Variants in FAAH2 observed in about 807,000 individuals in gnomAD.
FAAH2 encodes fatty-acid amide hydrolase 2.
FAAH2 carries 60 observed loss-of-function variants against 36.9 expected under a neutral mutation model. The ratio of observed to expected loss-of-function variants is 1.63; its 90% CI spans 1.32 to 2.02. The LOEUF (loss-of-function observed/expected upper bound fraction) is 2.02. Among genes scored for constraint, FAAH2 ranks in the 30% most tolerant of loss-of-function variants. The pLI, the probability that FAAH2 is intolerant of heterozygous loss-of-function variation, is 0.00. For missense variants in FAAH2, 689 were observed against 397.5 expected, an observed-to-expected ratio of 1.73 and a Z score of -6.23; for synonymous variants, 214 against 143.8, an observed-to-expected ratio of 1.49 and a Z score of -3.49.
At chrX:57,477,488 C>A (rs1219334391) in intron 10 of FAAH2, among the ~76,000 whole-genome samples, 3 of 110,359 alleles carry the variant, frequency 2.7e-5, no homozygotes, top group Admixed American at 1.9e-4. Flanking sequence ...TCTAAATTTT[C>A]TTTTTATATA....
At chrX:57,487,269 G>A (rs767608285) in intron 10 of FAAH2, among the ~76,000 whole-genome samples, 10 of 107,581 alleles carry the variant, frequency 9.3e-5, no homozygotes, top group Non-Finnish European at 1.7e-4. Context: ...ATAAAAGAAA[G>A]CATGATAAAT....
intron 5 of FAAH2, among the ~76,000 whole-genome samples, chrX:57,344,885 C>CT (rs771285268): frequency 2.6e-4 from 29 of 110,766 alleles, no homozygotes; most frequent in Admixed American, 1.7e-3. Flanking sequence ...TGGTAAATCA[C>CT]TTTTTTTTAT....
intron 3 of FAAH2, among the ~76,000 whole-genome samples, chrX:57,312,606 G>A (rs1326045414): frequency 1.8e-5 from 2 of 109,735 alleles, no homozygotes; most frequent in Non-Finnish European, 3.8e-5. Context: ...CTTGAACCTA[G>A]GAGGTGGAAG....
At chrX:57,216,779 G>A in the FAAH2 span, among the ~76,000 whole-genome samples, 3 of 103,764 alleles carry the variant, frequency 2.9e-5, no homozygotes, top group African/African-American at 1.0e-4. Context: ...TTTTTTCTGG[G>A]TAGATACCCA....
At chrX:57,263,272 A>T in the FAAH2 span, among the ~76,000 whole-genome samples, 1 of 111,989 alleles carries the variant, frequency 8.9e-6, no homozygotes, top group Non-Finnish European at 1.9e-5. Context: ...AGATCAGATT[A>T]CAAAATTTAG....
Position 57,488,836 on chromosome X carries a change from G to A in FAAH2, c.1503G>A (p.Gln501=), listed in dbSNP as rs769216854. The change falls in exon 11 of 11, where the codon CAG becomes CAA. Residue 501 remains glutamine, a synonymous_variant. Coordinates refer to ENST00000374900, the MANE Select transcript of FAAH2 (RefSeq NM_174912.4). ...LNAKGLPLGI[Q]VVAGPFNDHL... Reference sequence around the variant, plus strand: ...CCAAAGGACTCCCTTTAGGCATCCAGGTTGTGGCTGGACCCTTTAATGATC... The same window carrying A: ...CCAAAGGACTCCCTTTAGGCATCCAAGTTGTGGCTGGACCCTTTAATGATC... 1 of 1,211,319 alleles carries A rather than the reference G, an allele frequency of 8.3e-7. No individual in the cohort carries two copies. The highest frequency in any genetic ancestry group is 1.8e-5 in the South Asian group (1 of 56,951).
intron 6 of FAAH2, among the ~76,000 whole-genome samples, chrX:57,379,578 C>A (rs1241337240): frequency 9.2e-6 from 1 of 108,914 alleles, no homozygotes; most frequent in African/African-American, 3.3e-5. Flanking sequence ...CGTGTGCGCA[C>A]CCTTCTCATT....
chrX:57,394,227 TA>T, intron 7 of FAAH2: 3 of 702,757 alleles, frequency 4.3e-6, no homozygotes, highest in Non-Finnish European at 6.9e-6. Context: ...CGCACACACA[TA>T]AAAAAGTTCT....
intron 2 of FAAH2, among the ~76,000 whole-genome samples, chrX:57,295,317 A>T (rs180820305): frequency 8.9e-6 from 1 of 112,482 alleles, no homozygotes; most frequent in East Asian, 2.8e-4. Flanking sequence ...CAATGGTGTC[A>T]GGAACAGCAG....
the FAAH2 span, among the ~76,000 whole-genome samples, chrX:57,228,292 G>A: frequency 1.9e-4 from 21 of 111,142 alleles, no homozygotes; most frequent in Non-Finnish European, 3.8e-4. Context: ...GTCTGCTTGG[G>A]GATCCAGCGA....
chrX:57,151,016 A>G, the FAAH2 span, among the ~76,000 whole-genome samples: 1 of 111,952 alleles, frequency 8.9e-6, no homozygotes, highest in Non-Finnish European at 1.9e-5. Flanking sequence ...TCCTTCACTT[A>G]TGAAACTTAG....
At chrX:57,394,456 G>A in intron 7 of FAAH2, 8 of 1,199,958 alleles carry the variant, frequency 6.7e-6, no homozygotes, top group Admixed American at 2.2e-5. Context: ...GCTTACCAAT[G>A]GGCTTCGGTT....
In FAAH2 at chrX:57,448,635, G is replaced by A. The variant is rs754927523; in HGVS notation, c.1340G>A (p.Gly447Asp). ...KELVDMLGDDGVFLYPSHPTV... is the reference protein window; with the variant it reads ...KELVDMLGDDDVFLYPSHPTV... Reference sequence around the variant, plus strand: ...CTGGTGGATATGCTAGGTGATGATGGTGTGTTCTTATATCCCTCACATCCC... The same window carrying A: ...CTGGTGGATATGCTAGGTGATGATGATGTGTTCTTATATCCCTCACATCCC... The change falls in exon 10 of 11, where the codon GGT (glycine) becomes GAT (aspartate). Residue 447 changes from glycine (G) to aspartate (D), a missense_variant. Physicochemically the swap from Gly to Asp is moderately conservative, Grantham distance 94 (BLOSUM62 -1). Coordinates refer to ENST00000374900, the MANE Select transcript of FAAH2 (RefSeq NM_174912.4). The A allele has an allele frequency of 7.4e-6, 9 of 1,209,748 alleles. No homozygotes were observed. The highest frequency in any genetic ancestry group is 2.2e-5 in the Admixed American group (1 of 45,721).
intron 3 of FAAH2, among the ~76,000 whole-genome samples, chrX:57,328,360 G>T (rs962067358): frequency 9.0e-6 from 1 of 111,355 alleles, no homozygotes; most frequent in African/African-American, 3.3e-5. Context: ...TATGCCACTT[G>T]TTATTTTTTC....
the FAAH2 span, among the ~76,000 whole-genome samples, chrX:57,159,252 A>G: frequency 3.6e-5 from 4 of 111,594 alleles, no homozygotes; most frequent in South Asian, 3.7e-4. Flanking sequence ...GCCTTGTAGT[A>G]TAGTTTGAAG....
At chrX:57,269,949 A>C in the FAAH2 span, among the ~76,000 whole-genome samples, 329 of 111,407 alleles carry the variant, frequency 3.0e-3, no homozygotes, top group African/African-American at 0.01. Context: ...GCTTTTAAAA[A>C]AATAATAAAA....
At chrX:57,295,111 G>C (rs1175343693) in intron 2 of FAAH2, among the ~76,000 whole-genome samples, 1 of 111,575 alleles carries the variant, frequency 9.0e-6, no homozygotes, top group Non-Finnish European at 1.9e-5. Flanking sequence ...GGTGTTGCCT[G>C]GCTGCTGCTT....
the FAAH2 span, among the ~76,000 whole-genome samples, chrX:57,213,814 G>T: frequency 3.6e-5 from 4 of 111,795 alleles, no homozygotes; most frequent in Non-Finnish European, 7.5e-5. Context: ...CTGTTGAATA[G>T]AATTGTCTGT....
At chrX:57,457,698 C>CAG (rs1273777985) in intron 10 of FAAH2, among the ~76,000 whole-genome samples, 1 of 15,930 alleles carries the variant, frequency 6.3e-5, no homozygotes, top group African/African-American at 1.0e-4. Flanking sequence ...TTACAATAGC[C>CAG]ACAAAAAAAA....
Sources: gnomAD v4.1 joint callset for allele counts (sites outside exome capture counted in the v4.1 genomes callset) on GRCh38, gnomAD v4.1.1 for gene constraint, MANE v1.5 for transcripts, NCBI Gene and HGNC (gene_info 2026-07-23, HGNC 2026-07-21) for gene names.